PCDHA7: variants seen among roughly 807,000 people sequenced by gnomAD.
PCDHA7 encodes the protein protocadherin alpha 7, also known as protocadherin alpha-7.
A neutral mutation model predicts 57.2 loss-of-function variants in PCDHA7; 37 were observed. That is an observed-to-expected ratio of 0.65 (90% confidence interval 0.50 to 0.85). PCDHA7 has a LOEUF of 0.85. PCDHA7 is among the 40% of genes least tolerant of loss of function. PCDHA7 has a pLI of 0.00. For missense variants in PCDHA7, 1,188 were observed against 1,241.8 expected, an observed-to-expected ratio of 0.96 and a Z score of 0.65; for synonymous variants, 553 against 558.8, an observed-to-expected ratio of 0.99 and a Z score of 0.15.
chr5:140,928,587 C>T, intron 1 of PCDHA7: 1 of 1,614,228 alleles, frequency 6.2e-7, no homozygotes. Flanking sequence ...ATGGTTCTGT[C>T]CCAGTGGAAA....
intron 1 of PCDHA7, among the ~76,000 whole-genome samples, chr5:140,951,339 G>A (rs246043): frequency 0.56 from 85,609 of 151,878 alleles, 24,748 homozygotes; most frequent in African/African-American, 0.69. Context: ...TTCTGTTTGT[G>A]TTAGTCCATT....
intron 1 of PCDHA7, among the ~76,000 whole-genome samples, chr5:140,891,739 C>T (rs1433506044): frequency 4.6e-5 from 7 of 152,116 alleles, no homozygotes; most frequent in Non-Finnish European, 2.9e-5. Flanking sequence ...AATTCAATCC[C>T]TTATACAACA....
chr5:140,841,357 G>A (rs1554138130), intron 1 of PCDHA7: 1 of 1,612,940 alleles, frequency 6.2e-7, no homozygotes, highest in South Asian at 1.1e-5. Context: ...TGGGATCCTG[G>A]CGACTACTAC....
intron 1 of PCDHA7, among the ~76,000 whole-genome samples, chr5:140,954,933 CTT>C (rs2095111807): frequency 6.6e-6 from 1 of 152,044 alleles, no homozygotes; most frequent in East Asian, 1.9e-4. Flanking sequence ...TTTAATTAAT[CTT>C]GAGTTAATTT....
At chr5:141,002,273 A>G (rs1040927044) in intron 3 of PCDHA7, among the ~76,000 whole-genome samples, 42 of 152,308 alleles carry the variant, frequency 2.8e-4, no homozygotes, top group African/African-American at 8.9e-4. Context: ...AGAGCTGGTA[A>G]CAAAGGGATG....
chr5:140,871,665 C>G, intron 1 of PCDHA7: 1 of 1,187,684 alleles, frequency 8.4e-7, no homozygotes, highest in African/African-American at 1.5e-5. Flanking sequence ...CATCTTCAGT[C>G]TTTTAATCAT....
intron 1 of PCDHA7, among the ~76,000 whole-genome samples, chr5:140,917,334 G>A (rs1466426021): frequency 1.4e-5 from 2 of 147,744 alleles, no homozygotes; most frequent in Admixed American, 1.4e-4. Flanking sequence ...CGGGGGAGGG[G>A]GGGGATGGTG....
chr5:140,966,613 A>T, intron 1 of PCDHA7: 1 of 756,596 alleles, frequency 1.3e-6, no homozygotes, highest in Non-Finnish European at 1.9e-6. Flanking sequence ...GGGAGGGCCT[A>T]CGGAGGGAGC....
At chr5:140,937,316 C>T (rs1355509287) in intron 1 of PCDHA7, among the ~76,000 whole-genome samples, 7 of 152,044 alleles carry the variant, frequency 4.6e-5, no homozygotes, top group Admixed American at 3.9e-4. Context: ...GGATTACAGG[C>T]GTGAGCCACC....
intron 1 of PCDHA7, chr5:140,850,293 G>C (rs2150478191): frequency 6.3e-7 from 1 of 1,596,282 alleles, no homozygotes; most frequent in Non-Finnish European, 8.6e-7. Flanking sequence ...AGTGGACGCC[G>C]ACTCGGGCTA....
intron 1 of PCDHA7, among the ~76,000 whole-genome samples, chr5:140,889,361 T>C (rs1005398759): frequency 2.0e-5 from 3 of 152,106 alleles, no homozygotes; most frequent in Non-Finnish European, 4.4e-5. Context: ...GATTACTGAC[T>C]CAATTTTAAT....
At chr5:140,882,832 A>T (rs781961557) in intron 1 of PCDHA7, 1 of 1,614,216 alleles carries the variant, frequency 6.2e-7, no homozygotes, top group Non-Finnish European at 8.5e-7. Flanking sequence ...GTCTTGAGCA[A>T]ATGTCTTCAT....
chr5:140,842,824 G>A (rs1778307611), intron 1 of PCDHA7: 4 of 1,593,676 alleles, frequency 2.5e-6, no homozygotes, highest in African/African-American at 1.3e-5. Flanking sequence ...GGGTGGGCGA[G>A]CGCTCGCTGT....
chr5:140,880,063 G>A (rs750549371), intron 1 of PCDHA7, among the ~76,000 whole-genome samples: 2 of 151,982 alleles, frequency 1.3e-5, no homozygotes, highest in Non-Finnish European at 2.9e-5. Flanking sequence ...AACTTTTTGG[G>A]GACCACAATT....
At chr5:140,902,530 G>C (rs569387885) in intron 1 of PCDHA7, among the ~76,000 whole-genome samples, 1 of 152,026 alleles carries the variant, frequency 6.6e-6, no homozygotes, top group African/African-American at 2.4e-5. Flanking sequence ...TTATTATGTT[G>C]AGGTATGTTC....
chr5:140,902,996 A>G (rs2069931370), intron 1 of PCDHA7, among the ~76,000 whole-genome samples: 1 of 152,126 alleles, frequency 6.6e-6, no homozygotes, highest in Admixed American at 6.6e-5. Context: ...TATTTTTGCA[A>G]TTGTGAATTG....
At chr5:140,852,956 C>G (rs2042556592) in intron 1 of PCDHA7, 1 of 438,466 alleles carries the variant, frequency 2.3e-6, no homozygotes, top group Non-Finnish European at 3.1e-6. Flanking sequence ...TTGGCTCACT[C>G]CAAGCTCCCC....
chr5:140,859,389 T>C (rs1554152298), intron 1 of PCDHA7: 1 of 268,430 alleles, frequency 3.7e-6, no homozygotes, highest in Non-Finnish European at 6.7e-6. Context: ...TCTCTAGTCA[T>C]CTTAAACAGG....
chr5:140,991,075 G>A (rs2097430816), intron 3 of PCDHA7, among the ~76,000 whole-genome samples: 1 of 152,134 alleles, frequency 6.6e-6, no homozygotes, highest in Non-Finnish European at 1.5e-5. Flanking sequence ...CCATGTTTCA[G>A]ATAAAAAAAT....
Sources: allele counts gnomAD v4.1 joint callset (sites outside exome capture counted in the v4.1 genomes callset), GRCh38; gene constraint gnomAD v4.1.1; transcripts MANE v1.5; gene names NCBI Gene and HGNC (gene_info 2026-07-23, HGNC 2026-07-21).